KCNN3: variants seen among roughly 807,000 people sequenced by gnomAD.
KCNN3 encodes the protein potassium calcium-activated channel subfamily N member 3, also known as small conductance calcium-activated potassium channel protein 3.
Under a neutral mutation model 62.9 loss-of-function variants are expected in KCNN3, and 16 were observed. That is an observed-to-expected ratio of 0.25 (90% confidence interval 0.17 to 0.39). The LOEUF is 0.39. Ranked by LOEUF, KCNN3 falls within the 10% of genes least tolerant of loss-of-function variation. The pLI is 1.00. For missense variants in KCNN3, 599 were observed against 949.4 expected, an observed-to-expected ratio of 0.63 and a Z score of 4.85; for synonymous variants, 370 against 389.2, an observed-to-expected ratio of 0.95 and a Z score of 0.58.
intron 2 of KCNN3, among the ~76,000 whole-genome samples, chr1:154,792,228 C>T (rs566598249): frequency 2.4e-4 from 37 of 152,186 alleles, no homozygotes; most frequent in Admixed American, 5.9e-4. Context: ...TTATTCCCTC[C>T]GGGTCTCCCC....
chr1:154,776,165 G>C (rs573950112), intron 2 of KCNN3, among the ~76,000 whole-genome samples: 1 of 152,198 alleles, frequency 6.6e-6, no homozygotes, highest in African/African-American at 2.4e-5. Flanking sequence ...CTGGAGGTGG[G>C]AGAGCTAGCC....
rs563028598 is a variant in KCNN3 at position 154,698,570 on chromosome 1, C to T, written c.*9406G>A. On this transcript the variant is annotated 3_prime_UTR_variant, in exon 8 of 8. Coordinates refer to ENST00000271915, the MANE Select transcript of KCNN3 (RefSeq NM_002249.6). ...GGAAACCTGGCGACTCTTCCTGGAG[C>T]TCTAGGGACTTCTAACCAGAGCAAG... 15 of 152,390 alleles carry T rather than the reference C, an allele frequency of 9.8e-5. No homozygotes were observed. Among genetic ancestry groups the T allele is most frequent in the Middle Eastern group, 3.4e-3 (1 of 294 alleles). 9.4% of individuals were successfully genotyped at this position (152,390 alleles called of 1,614,324 possible).
intron 7 of KCNN3, among the ~76,000 whole-genome samples, chr1:154,712,932 C>T (rs1272730620): frequency 2.0e-5 from 3 of 152,154 alleles, no homozygotes; most frequent in African/African-American, 4.8e-5. Context: ...TCCTTGTAGG[C>T]TATCTGCCTC....
chr1:154,720,730 T>TA (rs1188443060), intron 5 of KCNN3, among the ~76,000 whole-genome samples: 6 of 152,304 alleles, frequency 3.9e-5, no homozygotes, highest in South Asian at 2.1e-4. Flanking sequence ...CCTGAGAGTC[T>TA]AAGGAGATCC....
intron 3 of KCNN3, among the ~76,000 whole-genome samples, chr1:154,735,210 G>A (rs1456258905): frequency 6.6e-6 from 1 of 152,174 alleles, no homozygotes; most frequent in Admixed American, 6.5e-5. Flanking sequence ...AAACAGGTGT[G>A]CAAAGCTGGG....
chr1:154,752,634 G>A (rs1647431855), intron 3 of KCNN3, among the ~76,000 whole-genome samples: 1 of 150,864 alleles, frequency 6.6e-6, no homozygotes, highest in African/African-American at 2.4e-5. Flanking sequence ...TGTGTAGAAT[G>A]AATGGCCATG....
At position 154,702,274 on chromosome 1, in the gene KCNN3, G is replaced by C. The variant is rs1699868905; in HGVS notation, c.*5702C>G. Reference sequence around the variant, plus strand: ...CTGACAGTGGACCTGCTAAACACTAGTTTGATACAAAATGTTAATTGAAAG... The same window carrying C: ...CTGACAGTGGACCTGCTAAACACTACTTTGATACAAAATGTTAATTGAAAG... On this transcript the variant is annotated 3_prime_UTR_variant, in exon 8 of 8. Transcript: ENST00000271915. The C allele has an allele frequency of 6.6e-6, 1 of 151,850 alleles. No homozygotes were observed. The highest frequency in any genetic ancestry group is 2.1e-4 in the South Asian group (1 of 4,810). 9.4% of individuals were successfully genotyped at this position (151,850 alleles called of 1,614,324 possible). A position where few individuals can be genotyped will look rare whatever the true frequency, so the allele number is the denominator to read the frequency against.
intron 3 of KCNN3, among the ~76,000 whole-genome samples, chr1:154,758,481 G>A (rs2101823949): frequency 6.6e-6 from 1 of 152,380 alleles, no homozygotes; most frequent in East Asian, 1.9e-4. Flanking sequence ...GTCTGGCCCT[G>A]TCTGAGAGGG....
chr1:154,738,793 C>A (rs976981619), intron 3 of KCNN3, among the ~76,000 whole-genome samples: 2 of 152,128 alleles, frequency 1.3e-5, no homozygotes, highest in African/African-American at 2.4e-5. Context: ...CAAACAAACA[C>A]GATCATTAAC....
intron 3 of KCNN3, among the ~76,000 whole-genome samples, chr1:154,747,795 T>C (rs555094499): frequency 6.6e-6 from 1 of 152,352 alleles, no homozygotes; most frequent in East Asian, 1.9e-4. Flanking sequence ...CCTGCTCCTG[T>C]AGCGTTGAGT....
At chr1:154,766,416 T>TTAAATATA (rs1553231995) in intron 3 of KCNN3, among the ~76,000 whole-genome samples, 3,277 of 71,784 alleles carry the variant, frequency 0.046, 388 homozygotes, top group Non-Finnish European at 0.07. Flanking sequence ...TAGCCAGGCT[T>TTAAATATA]TATATATATA....
At chr1:154,832,496 C>T (rs560141250) in intron 1 of KCNN3, among the ~76,000 whole-genome samples, 8 of 152,136 alleles carry the variant, frequency 5.3e-5, no homozygotes, top group Non-Finnish European at 4.4e-5. Flanking sequence ...CCTCCCAGAA[C>T]GCTGGTCAAT....
rs1343863564 is a variant in KCNN3 at position 154,701,901 on chromosome 1, A to G, written c.*6075T>C. On this transcript the variant is annotated 3_prime_UTR_variant, in exon 8 of 8. Coordinates refer to ENST00000271915, the MANE Select transcript of KCNN3 (RefSeq NM_002249.6). Reference sequence around the variant, plus strand: ...AAAACAGGACTCTTTCTTATGTCCAATTCTGACATTGTCAAAGGAAAACTG... The same window carrying G: ...AAAACAGGACTCTTTCTTATGTCCAGTTCTGACATTGTCAAAGGAAAACTG... 12 of 152,238 alleles carry G rather than the reference A, an allele frequency of 7.9e-5. No homozygotes were observed. Among genetic ancestry groups the G allele is most frequent in the Admixed American group, 6.5e-4 (10 of 15,286 alleles). The allele number at this position is 152,238 out of a possible 1,614,324, so 9.4% of individuals were successfully genotyped here.
chr1:154,742,746 G>A (rs1290543141), intron 3 of KCNN3, among the ~76,000 whole-genome samples: 2 of 152,176 alleles, frequency 1.3e-5, no homozygotes, highest in Admixed American at 6.5e-5. Context: ...CCTGCCTCGC[G>A]AGGCCGCGGT....
chr1:154,712,398 G>A (rs926460431), intron 7 of KCNN3, among the ~76,000 whole-genome samples: 1 of 152,056 alleles, frequency 6.6e-6, no homozygotes. Context: ...CCAAAGGCAC[G>A]CGGGCCTGGA....
At chr1:154,769,492 G>T (rs1648455008) in intron 3 of KCNN3, among the ~76,000 whole-genome samples, 1 of 152,184 alleles carries the variant, frequency 6.6e-6, no homozygotes, top group Non-Finnish European at 1.5e-5. Flanking sequence ...CAGCTTGGAA[G>T]CTATGGAAGG....
chr1:154,713,625 AT>A, intron 6 of KCNN3, 92 bp from the exon 7 acceptor site: 2 of 1,040,040 alleles, frequency 1.9e-6, no homozygotes, highest in Non-Finnish European at 3.0e-6. Context: ...ACTGCCTCTG[AT>A]TTTGGAACCC....
At chr1:154,792,916 C>T (rs958156652) in intron 2 of KCNN3, among the ~76,000 whole-genome samples, 5 of 152,154 alleles carry the variant, frequency 3.3e-5, no homozygotes, top group African/African-American at 1.2e-4. Flanking sequence ...CTCCTTCAGC[C>T]AGGTCTCAGG....
rs1700470920 is a variant in KCNN3 at position 154,726,629 on chromosome 1, A to G, written c.1591-603T>C. On this transcript the variant is annotated intron_variant, in intron 4 of 7. Transcript: ENST00000271915. ...TGCACTCAGTGACTGTGCCTGCTCT[A>G]CACTTGGGCTTTTTCACCTCAAGGT... 2.6e-5 allele frequency among the ~76,000 whole-genome samples: 4 copies of G among 152,244 alleles called. No individual in the cohort carries two copies. In the South Asian group the frequency reaches 8.3e-4, roughly 31 times the overall value.
Sources: allele counts gnomAD v4.1 joint callset (sites outside exome capture counted in the v4.1 genomes callset), GRCh38; gene constraint gnomAD v4.1.1; transcripts MANE v1.5; gene names NCBI Gene and HGNC (gene_info 2026-07-23, HGNC 2026-07-21).